KYAT1: variants seen among roughly 807,000 people sequenced by gnomAD.
KYAT1 encodes the protein kynurenine--oxoglutarate transaminase 1.
A neutral mutation model predicts 52.4 loss-of-function variants in KYAT1; 47 were observed. The observed-to-expected ratio is 0.90, with a 90% confidence interval of 0.71 to 1.14. KYAT1 has a LOEUF of 1.14. Ranked by LOEUF, KYAT1 falls within the 50% of genes most tolerant of loss-of-function variation. KYAT1 has a pLI of 0.00. For synonymous variants in KYAT1, 212 were observed against 209.6 expected, an observed-to-expected ratio of 1.01 and a Z score of -0.10; for missense variants, 480 against 557.9, an observed-to-expected ratio of 0.86 and a Z score of 1.41.
chr9:128,867,073 T>G (rs561663808), intron 1 of KYAT1, among the ~76,000 whole-genome samples: 58 of 152,302 alleles, frequency 3.8e-4, no homozygotes, highest in African/African-American at 1.3e-3. Context: ...AATTTGTGAT[T>G]TGAAAAGCAA....
At chr9:128,854,536 C>T (rs1450236582) in intron 1 of KYAT1, among the ~76,000 whole-genome samples, 2 of 152,198 alleles carry the variant, frequency 1.3e-5, no homozygotes, top group African/African-American at 4.8e-5. Context: ...AGCCGCCGAC[C>T]TGGGCCCAGC....
At chr9:128,869,088 C>T (rs1200972114) in intron 1 of KYAT1, among the ~76,000 whole-genome samples, 1 of 152,112 alleles carries the variant, frequency 6.6e-6, no homozygotes, top group Non-Finnish European at 1.5e-5. Flanking sequence ...AATACAAAGG[C>T]CTTGGCCTCC....
chr9:128,862,820 G>C (rs1356660664), intron 1 of KYAT1, among the ~76,000 whole-genome samples: 2 of 152,076 alleles, frequency 1.3e-5, no homozygotes, highest in East Asian at 3.9e-4. Flanking sequence ...GTCAATGTTG[G>C]TTTGTTTGTT....
chr9:128,866,585 C>T (rs919348000), intron 1 of KYAT1, among the ~76,000 whole-genome samples: 4 of 151,356 alleles, frequency 2.6e-5, no homozygotes, highest in African/African-American at 9.7e-5. Flanking sequence ...GGCAACAGAG[C>T]GAGACTCTGT....
chr9:128,860,121 C>T (rs1175699169), intron 1 of KYAT1: 2 of 152,182 alleles, frequency 1.3e-5, no homozygotes, highest in African/African-American at 4.8e-5. Context: ...GGAGAATCTT[C>T]CAGCTCCAGG....
intron 7 of KYAT1, among the ~76,000 whole-genome samples, 153 bp downstream of exon 7, chr9:128,836,649 T>G (rs1831175726): frequency 6.6e-6 from 1 of 152,170 alleles, no homozygotes; most frequent in African/African-American, 2.4e-5. Flanking sequence ...CAGGTGCTAC[T>G]GTGACACTGT....
At position 128,865,947 on chromosome 9, in the gene KYAT1, G is replaced by C. The variant is rs149977036; in HGVS notation, c.-7+15950C>G. 2.6e-3 allele frequency among the ~76,000 whole-genome samples: 389 copies of C among 152,306 alleles called. 4 individuals carry two copies. Among genetic ancestry groups the C allele is most frequent in the African/African-American group, 8.4e-3 (350 of 41,568 alleles). ...GCTGCTCAATAAACCTGCAGAATGA[G>C]AATGAATGTCTATCGCTTGCACCAG... is the stretch of plus-strand genomic sequence containing the variant. On this transcript the variant is annotated intron_variant, in intron 1 of 12. Coordinates refer to ENST00000302586, the MANE Select transcript of KYAT1 (RefSeq NM_004059.5).
At chr9:128,872,431 G>A (rs747303580) in intron 1 of KYAT1, among the ~76,000 whole-genome samples, 21 of 151,600 alleles carry the variant, frequency 1.4e-4, no homozygotes, top group Non-Finnish European at 2.5e-4. Context: ...GTGACAGAGC[G>A]AGACTCCGAC....
At chr9:128,837,634 G>A (rs1421361576) in intron 6 of KYAT1, 51 bp downstream of exon 6, 2 of 1,609,120 alleles carry the variant, frequency 1.2e-6, no homozygotes, top group Non-Finnish European at 1.7e-6. Flanking sequence ...TAACAGTGCA[G>A]GAGACATGAC....
intron 5 of KYAT1, 53 bp downstream of exon 5, chr9:128,837,998 C>T: frequency 6.3e-7 from 1 of 1,582,962 alleles, no homozygotes; most frequent in Non-Finnish European, 8.7e-7. Flanking sequence ...GGGTCCAACT[C>T]AGCCCACGCC....
At chr9:128,874,818 A>G (rs1172888912) in intron 1 of KYAT1, among the ~76,000 whole-genome samples, 1 of 141,134 alleles carries the variant, frequency 7.1e-6, no homozygotes. Context: ...TCTGCCTCCC[A>G]GGTTCAAACG....
rs1317475574 is a variant in KYAT1 at position 128,877,159 on chromosome 9, A to C, written c.-7+4738T>G. On this transcript the variant is annotated intron_variant, in intron 1 of 12. Coordinates refer to ENST00000302586, the MANE Select transcript of KYAT1 (RefSeq NM_004059.5). ...GTGATCTGCCTGCCTTGACCTCCCAAATTGCTGGAATTACAGGTGTGAACC... is the reference window on the plus strand; with the variant it reads ...GTGATCTGCCTGCCTTGACCTCCCACATTGCTGGAATTACAGGTGTGAACC... 2.6e-5 allele frequency among the ~76,000 whole-genome samples: 4 copies of C among 152,052 alleles called. No homozygotes were observed. The East Asian group carries it at 7.7e-4, about 29-fold the overall frequency.
intron 2 of KYAT1, 129 bp from the exon 3 acceptor site, chr9:128,842,930 G>A: frequency 1.2e-6 from 1 of 844,504 alleles, no homozygotes; most frequent in Non-Finnish European, 1.8e-6. Context: ...ACTTTGGGAG[G>A]CCGAGGTGGG....
At chr9:128,857,214 C>T (rs1046913133) in intron 1 of KYAT1, among the ~76,000 whole-genome samples, 3 of 152,062 alleles carry the variant, frequency 2.0e-5, no homozygotes, top group Admixed American at 1.3e-4. Flanking sequence ...TTTTGCTGAC[C>T]TTCTCCTTAT....
At chr9:128,841,327 A>ACCC (rs1031482827) in intron 3 of KYAT1, among the ~76,000 whole-genome samples, 5 of 152,094 alleles carry the variant, frequency 3.3e-5, no homozygotes, top group Non-Finnish European at 4.4e-5. Flanking sequence ...ACATGGTGAA[A>ACCC]CCCCGTCTCT....
chr9:128,857,191 T>C (rs1179924702), intron 1 of KYAT1, among the ~76,000 whole-genome samples: 1 of 152,218 alleles, frequency 6.6e-6, no homozygotes, highest in Non-Finnish European at 1.5e-5. Context: ...TAGATTCTTT[T>C]GCTCACATGT....
intron 1 of KYAT1, among the ~76,000 whole-genome samples, chr9:128,874,722 CTTTTT>C (rs201788280): frequency 8.1e-6 from 1 of 123,658 alleles, no homozygotes; most frequent in African/African-American, 3.0e-5. Flanking sequence ...ATAATCCTGC[CTTTTT>C]TTTTTTTTTT....
chr9:128,834,831 C>CAAAA (rs35785668), intron 11 of KYAT1, among the ~76,000 whole-genome samples: 8 of 25,856 alleles, frequency 3.1e-4, no homozygotes, highest in East Asian at 1.3e-3. Context: ...GACTCTGTCT[C>CAAAA]AAAAAAAAAA....
intron 1 of KYAT1, among the ~76,000 whole-genome samples, chr9:128,868,600 G>A (rs537021387): frequency 9.9e-5 from 15 of 151,934 alleles, no homozygotes; most frequent in African/African-American, 3.1e-4. Context: ...GCAGTGGTGC[G>A]ATCACGGCTC....
Sources: gnomAD v4.1 joint callset for allele counts (sites outside exome capture counted in the v4.1 genomes callset) on GRCh38, gnomAD v4.1.1 for gene constraint, MANE v1.5 for transcripts, NCBI Gene and HGNC (gene_info 2026-07-23, HGNC 2026-07-21) for gene names.